The following SQOR variants were observed in gnomAD, a reference collection of about 807,000 sequenced individuals.
SQOR encodes sulfide:quinone oxidoreductase, mitochondrial.
In SQOR, 39 loss-of-function variants were observed where a neutral mutation model predicts 48.6. That is an observed-to-expected ratio of 0.80 (90% CI 0.62 to 1.05). The LOEUF is 1.05. SQOR is among the 50% of genes least tolerant of loss of function. The probability of loss-of-function intolerance (pLI) is 0.00; values close to 1 mark genes in which losing one functional copy is unlikely to be tolerated. For synonymous variants in SQOR, 220 were observed against 206.2 expected (o/e 1.07, Z -0.57); for missense variants, 561 against 559.9 (o/e 1.00, Z -0.02).
chr15:45,682,564 T>C lies in SQOR; in HGVS notation c.951T>C (p.Asp317=). ...TGGCTGATGCTGCTGGTTGGGTGGA[T>C]GTGGATAAAGAAACTCTGCAACACA... ...SPVADAAGWV[D]VDKETLQHRR... The change falls in exon 7 of 10, where the codon GAT becomes GAC. Residue 317 remains aspartate (D), a synonymous_variant. Coordinates refer to ENST00000260324, the MANE Select transcript of SQOR (RefSeq NM_021199.4). 1 of 1,614,160 alleles carries C rather than the reference T, an allele frequency of 6.2e-7. No individual in the cohort carries two copies. The highest frequency in any genetic ancestry group is 1.3e-5 in the African/African-American group (1 of 75,030).
At chr15:45,663,936 A>T (rs185704440) in intron 3 of SQOR, among the ~76,000 whole-genome samples, 5 of 152,298 alleles carry the variant, frequency 3.3e-5, no homozygotes, top group African/African-American at 1.2e-4. Flanking sequence ...ACAAAAACAG[A>T]CACAAATTCT....
chr15:45,647,897 A>G (rs1854371119), intron 1 of SQOR, among the ~76,000 whole-genome samples: 1 of 152,140 alleles, frequency 6.6e-6, no homozygotes. Flanking sequence ...AGCCTGGGCG[A>G]CAAGTGACAG....
intron 2 of SQOR, among the ~76,000 whole-genome samples, chr15:45,660,844 C>G (rs998335069): frequency 7.9e-5 from 12 of 152,196 alleles, no homozygotes; most frequent in Non-Finnish European, 1.8e-4. Context: ...TTTGGCAGTG[C>G]TGGCCAGCTA....
At chr15:45,663,937 C>T (rs187946416) in intron 3 of SQOR, among the ~76,000 whole-genome samples, 72 of 152,172 alleles carry the variant, frequency 4.7e-4, no homozygotes, top group African/African-American at 1.6e-3. Flanking sequence ...CAAAAACAGA[C>T]ACAAATTCTT....
intron 1 of SQOR, among the ~76,000 whole-genome samples, chr15:45,654,616 A>G (rs1255250050): frequency 2.0e-5 from 3 of 152,128 alleles, no homozygotes; most frequent in Non-Finnish European, 4.4e-5. Flanking sequence ...AAGTGGCTAC[A>G]TTGACTGGCG....
At chr15:45,641,729 G>A (rs1011516157) in intron 1 of SQOR, among the ~76,000 whole-genome samples, 4 of 150,736 alleles carry the variant, frequency 2.7e-5, no homozygotes, top group African/African-American at 9.7e-5. Flanking sequence ...CAGTTTTCAA[G>A]GGGGGTGCTT....
Position 45,659,205 on chromosome 15 carries a change from T to A in SQOR, c.234+48T>A, listed in dbSNP as rs1371024262. The A allele has an allele frequency of 5.1e-6, 7 of 1,373,072 alleles. No individual in the cohort carries two copies. The East Asian group carries it at 1.8e-4, about 36-fold the overall frequency. 85.1% of individuals were successfully genotyped at this position (1,373,072 alleles called of 1,614,324 possible). ...CTGGGTGTGTGTGTACGTGTGTGTG[T>A]GTGTGAGTGTGTGTGTGTGTGTGTT... On this transcript the variant is annotated intron_variant, in intron 2 of 9. Transcript: ENST00000260324.
intron 4 of SQOR, 115 bp from the exon 5 acceptor site, chr15:45,673,492 T>G: frequency 3.5e-6 from 4 of 1,143,826 alleles, no homozygotes; most frequent in Non-Finnish European, 5.0e-6. Context: ...CATGTGGGTA[T>G]TGGAGGGTAA....
rs919304637 is a variant in SQOR, at chr15:45,664,909, C to T, written c.405+2784C>T. On this transcript the variant is annotated intron_variant, in intron 3 of 9. Transcript: ENST00000260324. ...ACTTTCTTATTTTTCTCAATGTCTC[C>T]GGGAGACCAGACTGAATTACACTCA... 4.6e-5 allele frequency among the ~76,000 whole-genome samples: 7 copies of T among 151,986 alleles called. No homozygotes were observed. In the East Asian group the frequency reaches 5.8e-4, roughly 13 times the overall value.
chr15:45,673,704 A>C lies in SQOR; in HGVS notation c.557A>C (p.Lys186Thr), dbSNP rs754706953. 1.2e-6 allele frequency: 2 copies of C among 1,614,238 alleles called. No individual in the cohort carries two copies. Among genetic ancestry groups the C allele is most frequent in the South Asian group, 2.2e-5 (2 of 91,090 alleles). ...ACATGGAAAGCTCTGCAGGACTTCA[A>C]AGAGGGCAATGCCATCTTCACCTTC... ...EKTWKALQDF[K>T]EGNAIFTFPN... The change falls in exon 5 of 10, where the codon AAA becomes ACA. Residue 186 changes from lysine to threonine, a missense_variant. Transcript: ENST00000260324.
chr15:45,637,876 G>A (rs1051311952), intron 1 of SQOR, among the ~76,000 whole-genome samples: 9 of 152,162 alleles, frequency 5.9e-5, no homozygotes, highest in African/African-American at 2.2e-4. Flanking sequence ...CTCCTTTCAC[G>A]TTTCCCTGCT....
chr15:45,635,466 G>A (rs927536650), intron 1 of SQOR, among the ~76,000 whole-genome samples: 1 of 152,204 alleles, frequency 6.6e-6, no homozygotes, highest in African/African-American at 2.4e-5. Flanking sequence ...GCACCGTCCT[G>A]GAGCGGGAGT....
chr15:45,650,914 C>G (rs1010542938), intron 1 of SQOR, among the ~76,000 whole-genome samples: 4 of 152,208 alleles, frequency 2.6e-5, no homozygotes, highest in African/African-American at 9.6e-5. Context: ...AAAAGTTCTC[C>G]AAGTCCCCAC....
In SQOR at chr15:45,656,964, C is replaced by T. The variant is rs569169689; in HGVS notation, c.-17-1943C>T. ...GGATTACAGGCACACACCACCACGC[C>T]TGGCTAAAAATTTTTGTATTTTTAG... is the stretch of plus-strand genomic sequence containing the variant. On this transcript the variant is annotated intron_variant, in intron 1 of 9. Coordinates refer to ENST00000260324, the MANE Select transcript of SQOR (RefSeq NM_021199.4). Among the ~76,000 whole-genome samples, 25 of 152,116 alleles carry T rather than the reference C, an allele frequency of 1.6e-4. No homozygotes were observed. In the East Asian group the frequency reaches 4.9e-3, roughly 30 times the overall value.
At chr15:45,668,991 C>T (rs1889889165) in intron 3 of SQOR, among the ~76,000 whole-genome samples, 1 of 151,972 alleles carries the variant, frequency 6.6e-6, no homozygotes, top group Non-Finnish European at 1.5e-5. Flanking sequence ...TACACTATGT[C>T]ATAGCCTTTC....
upstream of SQOR, among the ~76,000 whole-genome samples, chr15:45,632,256 G>A (rs1894910582): frequency 7.3e-6 from 1 of 136,846 alleles, no homozygotes; most frequent in South Asian, 2.3e-4. Flanking sequence ...GTCTCGCTCT[G>A]TTGCCCAGGC....
intron 1 of SQOR, among the ~76,000 whole-genome samples, chr15:45,651,971 C>T (rs1045302325): frequency 6.7e-6 from 1 of 149,944 alleles, no homozygotes; most frequent in Non-Finnish European, 1.5e-5. Flanking sequence ...TCACTGCAAC[C>T]CCCCGCCTCC....
At chr15:45,671,320 A>T (rs541551726) in intron 4 of SQOR, among the ~76,000 whole-genome samples, 28 of 152,132 alleles carry the variant, frequency 1.8e-4, no homozygotes, top group African/African-American at 6.3e-4. Flanking sequence ...ATGCCCGGCT[A>T]ATTTTTGTAT....
chr15:45,691,078 G>A lies in SQOR; in HGVS notation c.*48G>A, dbSNP rs11855175. ...CTTGGATGGCTTCTGGGCCAAAACT[G>A]CAGTCACTGAATGACCAAGAGCAGC... On this transcript the variant is annotated 3_prime_UTR_variant, in exon 10 of 10. Coordinates refer to ENST00000260324, the MANE Select transcript of SQOR (RefSeq NM_021199.4). The A allele has an allele frequency of 6.6e-7, 1 of 1,519,368 alleles. No individual in the cohort carries two copies. The highest frequency in any genetic ancestry group is 9.1e-7 in the Non-Finnish European group (1 of 1,093,642). The allele number at this position is 1,519,368 out of a possible 1,614,324, so 94.1% of individuals were successfully genotyped here.
Sources: gnomAD v4.1 joint callset for allele counts (sites outside exome capture counted in the v4.1 genomes callset) on GRCh38, gnomAD v4.1.1 for gene constraint, MANE v1.5 for transcripts, NCBI Gene and HGNC (gene_info 2026-07-23, HGNC 2026-07-21) for gene names.